PCDHA6: variants seen among roughly 807,000 people sequenced by gnomAD.
PCDHA6 encodes the protein protocadherin alpha-6.
PCDHA6 carries 55 observed loss-of-function variants against 60.3 expected under a neutral mutation model. The observed-to-expected ratio is 0.91, with a 90% CI of 0.73 to 1.14. The LOEUF (loss-of-function observed/expected upper bound fraction) is 1.14, where lower values mean the gene tolerates loss of function less well. Ranked by LOEUF, PCDHA6 falls within the 50% of genes most tolerant of loss-of-function variation. The probability of loss-of-function intolerance (pLI) is 0.00; values close to 1 mark genes in which losing one functional copy is unlikely to be tolerated. For missense variants in PCDHA6, 1,327 were observed against 1,256.5 expected, an observed-to-expected ratio of 1.06 and a Z score of -0.85; for synonymous variants, 652 against 557.9, an observed-to-expected ratio of 1.17 and a Z score of -2.38.
At chr5:140,961,193 G>C (rs1297758288) in intron 1 of PCDHA6, among the ~76,000 whole-genome samples, 1 of 152,124 alleles carries the variant, frequency 6.6e-6, no homozygotes, top group Non-Finnish European at 1.5e-5. Context: ...CAGGACCCTA[G>C]TGAGGTTGGT....
chr5:140,952,767 A>T (rs912245909), intron 1 of PCDHA6, among the ~76,000 whole-genome samples: 13 of 152,298 alleles, frequency 8.5e-5, no homozygotes, highest in African/African-American at 2.9e-4. Flanking sequence ...GAGACTGGAT[A>T]ATTTAGAAAG....
At chr5:140,838,077 AGTGT>A (rs2150283763) in intron 1 of PCDHA6, among the ~76,000 whole-genome samples, 8,027 of 79,764 alleles carry the variant, frequency 0.1, 265 homozygotes, top group South Asian at 0.12. Flanking sequence ...ATATATATAT[AGTGT>A]GTGTGTGTGT....
Position 140,843,512 on chromosome 5 carries a change from G to T in PCDHA6, c.2394+13027G>T, listed in dbSNP as rs2150361484. The T allele has an allele frequency of 6.3e-6, 10 of 1,595,848 alleles. 1 individual carries two copies. Among genetic ancestry groups the T allele is most frequent in the Non-Finnish European group, 8.6e-6 (10 of 1,165,572 alleles). On this transcript the variant is annotated intron_variant, in intron 1 of 3. Coordinates refer to ENST00000529310, the MANE Select transcript of PCDHA6 (RefSeq NM_018909.4). ...GTGCTCAGCACTGCCCACTGAGGGC[G>T]GGTGCCGGGCGGGCAAGCCCACTCT...
chr5:140,889,583 G>C (rs1373487919), intron 1 of PCDHA6, among the ~76,000 whole-genome samples: 1 of 151,554 alleles, frequency 6.6e-6, no homozygotes, highest in African/African-American at 2.4e-5. Context: ...TTTTGTTTTT[G>C]CTTTGAAATA....
rs183950754 is a variant in PCDHA6, at chr5:140,960,187, T to G, written c.2395-18762T>G. On this transcript the variant is annotated intron_variant, in intron 1 of 3. Coordinates refer to ENST00000529310, the MANE Select transcript of PCDHA6 (RefSeq NM_018909.4). ...CAATTCTTAAGTTAGGGGTTGCATG[T>G]GTAGTGGTCAGATGTTATTTCAGGA... 3.5e-3 allele frequency among the ~76,000 whole-genome samples: 529 copies of G among 152,196 alleles called. 22 individuals are homozygous for G. Among genetic ancestry groups the G allele is most frequent in the Admixed American group, 0.032 (493 of 15,274 alleles).
chr5:140,844,884 G>A (rs1389205077), intron 1 of PCDHA6, among the ~76,000 whole-genome samples: 2 of 149,232 alleles, frequency 1.3e-5, no homozygotes, highest in South Asian at 2.1e-4. Context: ...ATTAGACTTC[G>A]TGCATATTGC....
chr5:140,848,542 T>G (rs2150412544), intron 1 of PCDHA6: 1 of 1,595,366 alleles, frequency 6.3e-7, no homozygotes, highest in Non-Finnish European at 8.6e-7. Context: ...CCTCTACTGC[T>G]CTCGCTTCTG....
chr5:140,869,344 A>C (rs540952410), intron 1 of PCDHA6: 1 of 1,613,872 alleles, frequency 6.2e-7, no homozygotes, highest in Non-Finnish European at 8.5e-7. Flanking sequence ...AAATCTGCAG[A>C]ATGGCATTTT....
chr5:140,999,614 A>G (rs572897182), intron 3 of PCDHA6, among the ~76,000 whole-genome samples: 1 of 152,302 alleles, frequency 6.6e-6, no homozygotes, highest in African/African-American at 2.4e-5. Flanking sequence ...GGACCTTATC[A>G]ACCAGGAAAC....
intron 1 of PCDHA6, among the ~76,000 whole-genome samples, chr5:140,888,871 T>C (rs2062016827): frequency 6.6e-6 from 1 of 152,084 alleles, no homozygotes; most frequent in African/African-American, 2.4e-5. Flanking sequence ...TGTCTCAACA[T>C]AAAAATTAAA....
rs1412963703 is a variant in PCDHA6, at chr5:140,852,839, T to C, written c.2394+22354T>C. 5.2e-6 allele frequency: 5 copies of C among 968,992 alleles called. 1 individual carries two copies. Among genetic ancestry groups the C allele is most frequent in the Non-Finnish European group, 6.2e-6 (5 of 802,288 alleles). The allele number at this position is 968,992 out of a possible 1,614,324, so 60.0% of individuals were successfully genotyped here. On this transcript the variant is annotated intron_variant, in intron 1 of 3. Coordinates refer to ENST00000529310, the MANE Select transcript of PCDHA6 (RefSeq NM_018909.4). Reference sequence around the variant, plus strand: ...CTAAGTCCTCCAGTCTCCTTAGAGCTAGTACTTACTAAGCATTTACTATGT... The same window carrying C: ...CTAAGTCCTCCAGTCTCCTTAGAGCCAGTACTTACTAAGCATTTACTATGT...
At position 140,858,269 on chromosome 5, in the gene PCDHA6, A is replaced by T. The variant is rs367651349; in HGVS notation, c.2394+27784A>T. 8.2e-4 allele frequency: 1,313 copies of T among 1,596,554 alleles called. 103 individuals carry two copies. Among genetic ancestry groups the T allele is most frequent in the Non-Finnish European group, 9.6e-4 (1,118 of 1,166,912 alleles). On this transcript the variant is annotated intron_variant, in intron 1 of 3. Transcript: ENST00000529310. Reference sequence around the variant, plus strand: ...GGTGAAGCCCACGCTGGTGTGCTCTAGCGCGGTGGGGAGCTGGTCTTACTC... The same window carrying T: ...GGTGAAGCCCACGCTGGTGTGCTCTTGCGCGGTGGGGAGCTGGTCTTACTC...
chr5:140,967,049 A>G (rs782123539), intron 1 of PCDHA6: 12 of 1,612,528 alleles, frequency 7.4e-6, no homozygotes, highest in Non-Finnish European at 9.3e-6. Flanking sequence ...GCTGGACCTG[A>G]CGAGTGGAGC....
chr5:140,942,589 T>G (rs1444015331), intron 1 of PCDHA6, among the ~76,000 whole-genome samples: 1 of 148,934 alleles, frequency 6.7e-6, no homozygotes, highest in Non-Finnish European at 1.5e-5. Flanking sequence ...GGATGTCACA[T>G]ATAATTATAG....
At chr5:140,906,083 A>G (rs1554192390) in intron 1 of PCDHA6, among the ~76,000 whole-genome samples, 1 of 152,146 alleles carries the variant, frequency 6.6e-6, no homozygotes, top group Non-Finnish European at 1.5e-5. Context: ...ACCCACCCAG[A>G]CTGAGAGTAA....
chr5:140,850,117 G>T, intron 1 of PCDHA6: 2 of 1,596,096 alleles, frequency 1.3e-6, no homozygotes, highest in Non-Finnish European at 1.7e-6. Flanking sequence ...CGCGACGCGG[G>T]CGTGCCGCCT....
At chr5:140,958,593 A>G (rs1412529643) in intron 1 of PCDHA6, among the ~76,000 whole-genome samples, 2 of 152,214 alleles carry the variant, frequency 1.3e-5, no homozygotes, top group African/African-American at 4.8e-5. Context: ...GCTTATGATA[A>G]TTGGATCAAA....
At chr5:140,866,752 C>G (rs928654608) in intron 1 of PCDHA6, 1 of 152,140 alleles carries the variant, frequency 6.6e-6, no homozygotes, top group Non-Finnish European at 1.5e-5. Context: ...ATATGACTAA[C>G]AGGACATACA....
chr5:140,868,102 T>C (rs2153230741), intron 1 of PCDHA6: 1 of 152,242 alleles, frequency 6.6e-6, no homozygotes, highest in Admixed American at 6.5e-5. Flanking sequence ...ATAATAAAAT[T>C]TATTTTATAG....
Sources: gnomAD v4.1 joint callset for allele counts (sites outside exome capture counted in the v4.1 genomes callset) on GRCh38, gnomAD v4.1.1 for gene constraint, MANE v1.5 for transcripts, NCBI Gene and HGNC (gene_info 2026-07-23, HGNC 2026-07-21) for gene names.